The following UNC5D variants were observed in gnomAD, a reference collection of about 807,000 sequenced individuals.
The protein encoded by UNC5D is netrin receptor UNC5D.
UNC5D carries 39 observed loss-of-function variants against 105.4 expected under a neutral mutation model. The ratio of observed to expected loss-of-function variants is 0.37; its 90% CI spans 0.29 to 0.48. UNC5D has a LOEUF of 0.48. UNC5D is among the 20% of genes least tolerant of loss of function. The pLI, the probability that UNC5D is intolerant of heterozygous loss-of-function variation, is 0.98. For missense variants in UNC5D, 991 were observed against 1,202.4 expected, an observed-to-expected ratio of 0.82 and a Z score of 2.60; for synonymous variants, 452 against 450.4, an observed-to-expected ratio of 1.00 and a Z score of -0.04.
At chr8:35,599,142 CAAAAAAAAAAAAAA>C (rs34511041) in intron 4 of UNC5D, among the ~76,000 whole-genome samples, 3 of 38,644 alleles carry the variant, frequency 7.8e-5, no homozygotes, top group African/African-American at 2.7e-4. Context: ...GACTCTGTCT[CAAAAAAAAAAAAAA>C]AAAAAAAAAA....
intron 1 of UNC5D, among the ~76,000 whole-genome samples, chr8:35,381,995 G>T (rs1446549763): frequency 6.6e-6 from 1 of 152,222 alleles, no homozygotes; most frequent in Non-Finnish European, 1.5e-5. Context: ...TTGAAAGTTG[G>T]ATGTGATTTC....
intron 4 of UNC5D, among the ~76,000 whole-genome samples, chr8:35,678,933 G>T (rs1005150774): frequency 5.3e-5 from 8 of 151,768 alleles, no homozygotes; most frequent in Non-Finnish European, 8.8e-5. Flanking sequence ...ATAATGACGA[G>T]TACAAATGAT....
At chr8:35,499,766 A>G (rs1183023242) in intron 1 of UNC5D, among the ~76,000 whole-genome samples, 1 of 152,202 alleles carries the variant, frequency 6.6e-6, no homozygotes, top group Admixed American at 6.5e-5. Context: ...GCAGGGCATT[A>G]ATAATATGGA....
chr8:35,308,742 T>C (rs1808632987), intron 1 of UNC5D, among the ~76,000 whole-genome samples: 1 of 152,174 alleles, frequency 6.6e-6, no homozygotes, highest in African/African-American at 2.4e-5. Flanking sequence ...TATTCCTTTA[T>C]TAAGAAAACT....
chr8:35,297,786 TTA>T (rs924838114), intron 1 of UNC5D, among the ~76,000 whole-genome samples: 8 of 151,934 alleles, frequency 5.3e-5, no homozygotes, highest in African/African-American at 1.9e-4. Flanking sequence ...GATTTTTTTT[TTA>T]AATTTTGGCA....
intron 1 of UNC5D, among the ~76,000 whole-genome samples, chr8:35,458,763 G>A (rs994240529): frequency 6.6e-6 from 1 of 152,032 alleles, no homozygotes; most frequent in African/African-American, 2.4e-5. Flanking sequence ...ATTTTACTGG[G>A]TTTTCCTGTT....
chr8:35,662,031 G>A (rs1450014851), intron 4 of UNC5D, among the ~76,000 whole-genome samples: 5 of 152,048 alleles, frequency 3.3e-5, no homozygotes, highest in Non-Finnish European at 1.5e-5. Flanking sequence ...GGAAAAAATA[G>A]CAATGGGTTG....
At chr8:35,245,601 T>G (rs779955437) in intron 1 of UNC5D, among the ~76,000 whole-genome samples, 4 of 152,194 alleles carry the variant, frequency 2.6e-5, no homozygotes, top group Non-Finnish European at 5.9e-5. Flanking sequence ...TTATTAATTT[T>G]ATTTTTCAAC....
Position 35,402,370 on chromosome 8 carries a change from A to G in UNC5D, c.104-146922A>G, listed in dbSNP as rs572120334. Among the ~76,000 whole-genome samples, 4 of 152,256 alleles carry G rather than the reference A, an allele frequency of 2.6e-5. No homozygotes were observed. The South Asian group carries it at 8.3e-4, about 32-fold the overall frequency. ...GGCAAGAGAGAATGAGAGCCAAATG[A>G]AAGGGGCTTCCCTTATTTATAAAAC... On this transcript the variant is annotated intron_variant, in intron 1 of 16. Transcript: ENST00000404895.
chr8:35,388,333 C>G (rs1017829384), intron 1 of UNC5D, among the ~76,000 whole-genome samples: 1 of 151,880 alleles, frequency 6.6e-6, no homozygotes, highest in African/African-American at 2.4e-5. Context: ...TGTTGCAACT[C>G]CAGCCTGGGT....
chr8:35,508,378 C>T (rs1812470856), intron 1 of UNC5D, among the ~76,000 whole-genome samples: 1 of 152,216 alleles, frequency 6.6e-6, no homozygotes, highest in South Asian at 2.1e-4. Flanking sequence ...TTATCCTCAT[C>T]TGCTGAGGGC....
intron 1 of UNC5D, among the ~76,000 whole-genome samples, chr8:35,376,815 C>T (rs1802723809): frequency 6.6e-6 from 1 of 152,186 alleles, no homozygotes; most frequent in Admixed American, 6.5e-5. Flanking sequence ...TCTCCACACA[C>T]TTGTTCATAG....
At chr8:35,742,860 C>T (rs1306902584) in intron 11 of UNC5D, among the ~76,000 whole-genome samples, 3 of 152,204 alleles carry the variant, frequency 2.0e-5, no homozygotes, top group African/African-American at 2.4e-5. Flanking sequence ...TTAGGTACTA[C>T]GTGGTAAGGT....
chr8:35,549,371 T>C lies in UNC5D; in HGVS notation c.183T>C (p.Asp61=), dbSNP rs1196542652. The C allele has an allele frequency of 6.2e-7, 1 of 1,613,454 alleles. No individual in the cohort carries two copies. Among genetic ancestry groups the C allele is most frequent in the African/African-American group, 1.3e-5 (1 of 74,910 alleles). Residue 61 remains aspartate, a synonymous_variant, in exon 2 of 17, where the codon GAT becomes GAC. Transcript: ENST00000404895. Reference sequence around the variant, plus strand: ...TGCCTCATTTCATAGAGGAGCCAGATGATGCTTATATTATCAAGAGCAACC... The same window carrying C: ...TGCCTCATTTCATAGAGGAGCCAGACGATGCTTATATTATCAAGAGCAACC... ...GTLPHFIEEP[D]DAYIIKSNPI...
At chr8:35,312,537 T>G (rs895941000) in intron 1 of UNC5D, among the ~76,000 whole-genome samples, 2 of 152,142 alleles carry the variant, frequency 1.3e-5, no homozygotes, top group Non-Finnish European at 2.9e-5. Flanking sequence ...GACTAAGAAT[T>G]ATTAGGTGTG....
intron 4 of UNC5D, among the ~76,000 whole-genome samples, chr8:35,633,124 A>G (rs1477484347): frequency 6.6e-6 from 1 of 152,156 alleles, no homozygotes; most frequent in African/African-American, 2.4e-5. Context: ...CTGACAGTAT[A>G]TAGCCTGCAG....
At chr8:35,335,721 A>G (rs1027927163) in intron 1 of UNC5D, among the ~76,000 whole-genome samples, 2 of 150,744 alleles carry the variant, frequency 1.3e-5, no homozygotes, top group African/African-American at 2.4e-5. Context: ...TAAGCAGACA[A>G]CCTTTGAAAG....
intron 1 of UNC5D, among the ~76,000 whole-genome samples, chr8:35,335,227 A>G (rs867794364): frequency 1.2e-4 from 18 of 152,306 alleles, no homozygotes; most frequent in Middle Eastern, 3.4e-3. Context: ...ACTATTACAA[A>G]TAAAACTATG....
At chr8:35,726,896 T>C in intron 10 of UNC5D, 1 of 247,312 alleles carries the variant, frequency 4.0e-6, no homozygotes, top group South Asian at 7.6e-5. Context: ...CCCATGTTTA[T>C]ACCTAAGCAT....
Sources: gnomAD v4.1 joint callset for allele counts (sites outside exome capture counted in the v4.1 genomes callset) on GRCh38, gnomAD v4.1.1 for gene constraint, MANE v1.5 for transcripts, NCBI Gene and HGNC (gene_info 2026-07-23, HGNC 2026-07-21) for gene names.